Variants in QSOX2 observed in about 807,000 individuals in gnomAD.
The protein encoded by QSOX2 is quiescin sulfhydryl oxidase 2, also known as sulfhydryl oxidase 2.
In QSOX2, 46 loss-of-function variants were observed where a neutral mutation model predicts 61.7. The observed-to-expected ratio is 0.75, with a 90% CI of 0.59 to 0.95. The LOEUF is 0.95. Among genes scored for constraint, QSOX2 ranks in the 40% least tolerant of loss-of-function variants. The probability of loss-of-function intolerance (pLI) is 0.00; values close to 1 mark genes in which losing one functional copy is unlikely to be tolerated. For missense variants in QSOX2, 879 were observed against 918.9 expected (o/e 0.96, Z 0.56); for synonymous variants, 383 against 388.4 (o/e 0.99, Z 0.16).
chr9:136,212,515 C>T (rs56738570), intron 10 of QSOX2, among the ~76,000 whole-genome samples: 1,916 of 152,342 alleles, frequency 0.013, 45 homozygotes, highest in African/African-American at 0.045. Context: ...TTGTTTATTT[C>T]ACCCAGAAAG....
At chr9:136,213,429 T>A (rs939874302) in intron 10 of QSOX2, among the ~76,000 whole-genome samples, 1 of 151,964 alleles carries the variant, frequency 6.6e-6, no homozygotes, top group Admixed American at 6.5e-5. Flanking sequence ...ATGGTCTAGC[T>A]GGGCATTAGA....
intron 1 of QSOX2, among the ~76,000 whole-genome samples, chr9:136,233,766 G>C (rs1388124903): frequency 6.6e-6 from 1 of 152,214 alleles, no homozygotes; most frequent in African/African-American, 2.4e-5. Context: ...CTCCTCACCA[G>C]TGCCAAACAC....
intron 1 of QSOX2, among the ~76,000 whole-genome samples, chr9:136,233,216 A>AGCCT (rs1420885331): frequency 1.3e-5 from 2 of 152,188 alleles, no homozygotes; most frequent in African/African-American, 4.8e-5. Flanking sequence ...TTGCACGAGA[A>AGCCT]GGCCTGGGCA....
rs1021385010 is a variant in QSOX2 at position 136,223,059 on chromosome 9, C to T, written c.675+704G>A. ...GTGTCTGCAGCTGCCTTCCCAAGTG[C>T]GTCTCCAAAAGCCCTCGCAGGGGCA... On this transcript the variant is annotated intron_variant, in intron 5 of 11. Coordinates refer to ENST00000358701, the MANE Select transcript of QSOX2 (RefSeq NM_181701.4). This position sits in a 1 kb window ranked among gnomAD's most constrained non-coding sequence, Gnocchi z 4.4. Among the ~76,000 whole-genome samples, 4 of 152,252 alleles carry T rather than the reference C, an allele frequency of 2.6e-5. No individual in the cohort carries two copies. The highest frequency in any genetic ancestry group is 5.9e-5 in the Non-Finnish European group (4 of 68,044).
intron 10 of QSOX2, among the ~76,000 whole-genome samples, chr9:136,213,871 G>A (rs186720099): frequency 6.6e-6 from 1 of 152,274 alleles, no homozygotes; most frequent in Admixed American, 6.5e-5. Flanking sequence ...GCCACCAGAC[G>A]AAGGCAGACA....
chr9:136,208,291 T>TGGAGGGTGCAGGGAGGGCCAAGGTGGAGG lies in QSOX2; in HGVS notation c.*436_*437insCCTCCACCTTGGCCCTCCCTGCACCCTCC, dbSNP rs71384066. On this transcript the variant is annotated 3_prime_UTR_variant, in exon 12 of 12. Transcript: ENST00000358701. ...GCGGGGGGAGGGGGAGCGAGGGGAG[T>TGGAGGGTGCAGGGAGGGCCAAGGTGGAGG]GGGGGGGAGCCAGGAGCCGCGGGGG... 1 of 67,840 alleles carries TGGAGGGTGCAGGGAGGGCCAAGGTGGAGG rather than the reference T, an allele frequency of 1.5e-5. No individual in the cohort carries two copies. The highest frequency in any genetic ancestry group is 2.8e-5 in the Non-Finnish European group (1 of 35,766). The allele number at this position is 67,840 out of a possible 1,614,324, so 4.2% of individuals were successfully genotyped here.
At chr9:136,216,490 C>G in intron 9 of QSOX2, 110 bp downstream of exon 9, 1 of 1,436,490 alleles carries the variant, frequency 7.0e-7, no homozygotes, top group Non-Finnish European at 9.5e-7. Context: ...TGCTCCCCTT[C>G]CTCACAGCGG....
intron 10 of QSOX2, among the ~76,000 whole-genome samples, chr9:136,212,501 C>T (rs1831859010): frequency 6.6e-6 from 1 of 152,234 alleles, no homozygotes; most frequent in African/African-American, 2.4e-5. Context: ...AATCCCGACA[C>T]TTCTTGTTTA....
Position 136,221,733 on chromosome 9 carries a change from T to C in QSOX2, c.821+63A>G, listed in dbSNP as rs1831983067. 1 of 1,504,510 alleles carries C rather than the reference T, an allele frequency of 6.6e-7. No individual in the cohort carries two copies. The highest frequency in any genetic ancestry group is 8.9e-7 in the Non-Finnish European group (1 of 1,120,164). 93.2% of individuals were successfully genotyped at this position (1,504,510 alleles called of 1,614,324 possible). A position where few individuals can be genotyped will look rare whatever the true frequency, so the allele number is the denominator to read the frequency against. On this transcript the variant is annotated intron_variant, in intron 6 of 11. Transcript: ENST00000358701. The surrounding 1 kb of genome is among the most constrained non-coding windows in gnomAD (Gnocchi z 4.5). ...CTCACACCAGACTTGCACTGTCTAC[T>C]CGGAGCCTCTGTCCGGTAACTCCGA...
intron 3 of QSOX2, 148 bp from the exon 4 acceptor site, chr9:136,224,260 G>A (rs1458843920): frequency 9.6e-6 from 6 of 624,760 alleles, no homozygotes; most frequent in South Asian, 1.9e-5. Flanking sequence ...CAATGGGTGT[G>A]CCCAATGCCA....
intron 9 of QSOX2, among the ~76,000 whole-genome samples, chr9:136,216,076 G>A (rs373906347): frequency 6.2e-4 from 95 of 152,224 alleles, no homozygotes; most frequent in Non-Finnish European, 1.1e-3. Flanking sequence ...CCACGCGGGC[G>A]TCGGACAAGC....
chr9:136,210,539 G>A, intron 11 of QSOX2: 1 of 985,458 alleles, frequency 1.0e-6, no homozygotes, highest in Non-Finnish European at 1.2e-6. Context: ...AGACGGAGAA[G>A]CTGCGCTGAC....
intron 1 of QSOX2, among the ~76,000 whole-genome samples, chr9:136,228,273 G>A (rs1355272031): frequency 6.6e-6 from 1 of 152,158 alleles, no homozygotes; most frequent in Non-Finnish European, 1.5e-5. Context: ...CTCACCGTTT[G>A]CTCATGATGA....
rs1831896589 is a variant in QSOX2 at position 136,215,344 on chromosome 9, G to T, written c.1210-40C>A. ...AACAAAAAAACCCCAAAGAATAAAA[G>T]ATAATTGTTGAAATTAAAAACAGTC... On this transcript the variant is annotated intron_variant, in intron 9 of 11. Coordinates refer to ENST00000358701, the MANE Select transcript of QSOX2 (RefSeq NM_181701.4). The T allele has an allele frequency of 2.1e-6, 3 of 1,437,190 alleles. No individual in the cohort carries two copies. The South Asian group carries it at 3.5e-5, about 17-fold the overall frequency. The allele number at this position is 1,437,190 out of a possible 1,614,324, so 89.0% of individuals were successfully genotyped here. A position where few individuals can be genotyped will look rare whatever the true frequency, so the allele number is the denominator to read the frequency against.
chr9:136,225,659 A>T (rs1588637187), intron 2 of QSOX2, among the ~76,000 whole-genome samples: 2 of 152,206 alleles, frequency 1.3e-5, no homozygotes, highest in African/African-American at 2.4e-5. Context: ...CTTCTCTCCC[A>T]GCCTCAGCTC....
intron 1 of QSOX2, among the ~76,000 whole-genome samples, chr9:136,237,519 C>T (rs111620269): frequency 9.0e-4 from 92 of 101,956 alleles, no homozygotes; most frequent in East Asian, 1.7e-3. Flanking sequence ...CGTCCTGTGC[C>T]GGCGACACCT....
chr9:136,232,280 T>G (rs1363232695), intron 1 of QSOX2, among the ~76,000 whole-genome samples: 1 of 152,204 alleles, frequency 6.6e-6, no homozygotes, highest in Non-Finnish European at 1.5e-5. Context: ...CCTCACCTCC[T>G]GTCCCCTCCT....
At chr9:136,245,265 G>A (rs892146571) in intron 1 of QSOX2, among the ~76,000 whole-genome samples, 1 of 152,196 alleles carries the variant, frequency 6.6e-6, no homozygotes, top group Non-Finnish European at 1.5e-5. Flanking sequence ...AACTGGGAGA[G>A]ACATGGGGAG....
Position 136,223,781 on chromosome 9 carries a change from G to A in QSOX2, c.657C>T (p.Ser219=). 1.2e-6 allele frequency: 2 copies of A among 1,614,020 alleles called. No homozygotes were observed. The highest frequency in any genetic ancestry group is 1.7e-6 in the Non-Finnish European group (2 of 1,179,986). ...GCCGTACCTCCCGTCCAAGGTAGGA[G>A]CTGTTGCTTTCAAAGACAATAGCCA... The part of the protein sequence containing the change: ...HYVAIVFESN[S]SYLGREVILD... The change falls in exon 5 of 12, where the codon AGC becomes AGT. Residue 219 remains serine, a synonymous_variant. Transcript: ENST00000358701. This position sits in a 1 kb window ranked among gnomAD's most constrained non-coding sequence, Gnocchi z 4.4.
Sources: allele counts gnomAD v4.1 joint callset (sites outside exome capture counted in the v4.1 genomes callset), GRCh38; gene constraint gnomAD v4.1.1; non-coding constraint Gnocchi (gnomAD v3.1); transcripts MANE v1.5; gene names NCBI Gene and HGNC (gene_info 2026-07-23, HGNC 2026-07-21).